Variants in BCKDHB observed in about 807,000 individuals in gnomAD.
The protein encoded by BCKDHB is 2-oxoisovalerate dehydrogenase subunit beta, mitochondrial.
Under a neutral mutation model 48.5 loss-of-function variants are expected in BCKDHB, and 41 were observed. The observed-to-expected ratio is 0.85, with a 90% CI of 0.66 to 1.10. BCKDHB has a LOEUF of 1.10. Ranked by LOEUF, BCKDHB falls within the 50% of genes least tolerant of loss-of-function variation. The pLI, the probability that BCKDHB is intolerant of heterozygous loss-of-function variation, is 0.00. For synonymous variants in BCKDHB, 201 were observed against 174.8 expected (o/e 1.15, Z -1.18); for missense variants, 496 against 494.2 (o/e 1.00, Z -0.03).
At chr6:80,324,852 A>C (rs1323191397) in intron 9 of BCKDHB, among the ~76,000 whole-genome samples, 2 of 152,186 alleles carry the variant, frequency 1.3e-5, no homozygotes. Flanking sequence ...CACCCTGATT[A>C]GACCATTAAG....
chr6:80,449,630 C>T, the BCKDHB span, among the ~76,000 whole-genome samples: 20 of 152,120 alleles, frequency 1.3e-4, no homozygotes, highest in Admixed American at 3.9e-4. Context: ...CTGACAAAAA[C>T]CCTTTATAGA....
chr6:80,126,497 T>G (rs1365052198), intron 1 of BCKDHB, among the ~76,000 whole-genome samples: 1 of 152,078 alleles, frequency 6.6e-6, no homozygotes, highest in Non-Finnish European at 1.5e-5. Flanking sequence ...ACTAGGCTAA[T>G]GAATAGCATG....
At chr6:80,162,240 T>G (rs2127767131) in intron 3 of BCKDHB, among the ~76,000 whole-genome samples, 1 of 152,212 alleles carries the variant, frequency 6.6e-6, no homozygotes, top group African/African-American at 2.4e-5. Flanking sequence ...TATTGTTAGG[T>G]AATAATTTAG....
chr6:80,246,456 A>G (rs1485621363), intron 8 of BCKDHB, among the ~76,000 whole-genome samples: 4 of 152,268 alleles, frequency 2.6e-5, no homozygotes, highest in Non-Finnish European at 5.9e-5. Flanking sequence ...TTGCTGTTTC[A>G]TTGGCTGGCC....
downstream of BCKDHB, among the ~76,000 whole-genome samples, chr6:80,349,347 G>T (rs367752025): frequency 5.3e-5 from 8 of 152,288 alleles, no homozygotes; most frequent in East Asian, 1.4e-3. Flanking sequence ...GCCTGTTACG[G>T]GCCGGGCACC....
intron 8 of BCKDHB, among the ~76,000 whole-genome samples, chr6:80,238,971 G>A (rs1776265497): frequency 6.6e-6 from 1 of 152,116 alleles, no homozygotes; most frequent in South Asian, 2.1e-4. Context: ...TAGTGTATAT[G>A]TGCCACATTT....
intron 9 of BCKDHB, among the ~76,000 whole-genome samples, chr6:80,308,664 G>C (rs1240480489): frequency 1.3e-5 from 2 of 149,008 alleles, no homozygotes; most frequent in Non-Finnish European, 3.0e-5. Context: ...GCGTGATCCC[G>C]GCTCACTGCA....
rs754831907 is a variant in BCKDHB, at chr6:80,127,600, T to A, written c.250T>A (p.Ser84Thr). Residue 84 changes from serine to threonine, a missense_variant, in exon 2 of 10, where the codon TCA becomes ACA. Physicochemically the swap from Ser to Thr is moderately conservative, Grantham distance 58. Transcript: ENST00000320393. The stretch of plus-strand genomic sequence containing the variant: ...GTCTGTAACAAGTGCCTTGGATAAC[T>A]CATTGGCCAAAGATCCTACTGCAGG... The part of the protein sequence containing the change: ...FQSVTSALDN[S>T]LAKDPTAVIF... 1 of 1,613,364 alleles carries A rather than the reference T, an allele frequency of 6.2e-7. No homozygotes were observed. The highest frequency in any genetic ancestry group is 8.5e-7 in the Non-Finnish European group (1 of 1,179,448).
the BCKDHB span, among the ~76,000 whole-genome samples, chr6:80,411,373 A>G: frequency 2.0e-5 from 3 of 152,198 alleles, no homozygotes; most frequent in Non-Finnish European, 2.9e-5. Context: ...TGAGGTGTCT[A>G]TCAGCCCCTA....
At chr6:80,205,033 G>T (rs745952597) in intron 8 of BCKDHB, among the ~76,000 whole-genome samples, 1 of 152,050 alleles carries the variant, frequency 6.6e-6, no homozygotes, top group Non-Finnish European at 1.5e-5. Flanking sequence ...CTTTCATCCG[G>T]TTGTGACAGT....
chr6:80,322,587 A>G (rs1768795595), intron 9 of BCKDHB, among the ~76,000 whole-genome samples: 1 of 152,078 alleles, frequency 6.6e-6, no homozygotes, highest in Admixed American at 6.6e-5. Flanking sequence ...CCCCTTAACC[A>G]TCTTTACTTA....
chr6:80,397,559 C>T, the BCKDHB span, among the ~76,000 whole-genome samples: 3 of 152,138 alleles, frequency 2.0e-5, no homozygotes, highest in African/African-American at 7.2e-5. Context: ...TTACTTTCTG[C>T]TTTTTAAAAA....
chr6:80,172,686 G>A (rs1307363756), intron 6 of BCKDHB, among the ~76,000 whole-genome samples: 1 of 152,066 alleles, frequency 6.6e-6, no homozygotes, highest in Non-Finnish European at 1.5e-5. Context: ...GCATTTCATT[G>A]TATGAATAGA....
At chr6:80,235,616 TCTC>T (rs1487283706) in intron 8 of BCKDHB, among the ~76,000 whole-genome samples, 1 of 152,216 alleles carries the variant, frequency 6.6e-6, no homozygotes, top group Non-Finnish European at 1.5e-5. Flanking sequence ...GTACATTTCT[TCTC>T]ACTTGATTGC....
At chr6:80,283,523 A>G (rs939505619) in intron 9 of BCKDHB, among the ~76,000 whole-genome samples, 4 of 152,094 alleles carry the variant, frequency 2.6e-5, no homozygotes, top group Non-Finnish European at 2.9e-5. Flanking sequence ...AGACATTTAT[A>G]TTTACATATT....
chr6:80,273,362 T>G, intron 9 of BCKDHB, 141 bp downstream of exon 9: 1 of 688,190 alleles, frequency 1.5e-6, no homozygotes, highest in African/African-American at 1.8e-5. Flanking sequence ...CTGTGATAAG[T>G]AAATTTTTTT....
intron 6 of BCKDHB, among the ~76,000 whole-genome samples, chr6:80,184,529 T>C (rs917490772): frequency 6.6e-6 from 1 of 152,112 alleles, no homozygotes; most frequent in African/African-American, 2.4e-5. Flanking sequence ...TAATAGGCCT[T>C]GTGAGATTTA....
At chr6:80,177,225 CAAAAAAAAAAAAAA>C (rs575991853) in intron 6 of BCKDHB, among the ~76,000 whole-genome samples, 1,385 of 43,164 alleles carry the variant, frequency 0.032, 40 homozygotes, top group African/African-American at 0.12. Flanking sequence ...GACCTTGTCT[CAAAAAAAAAAAAAA>C]AAAAAAAAAA....
chr6:80,240,247 A>G (rs1776324573), intron 8 of BCKDHB, among the ~76,000 whole-genome samples: 1 of 152,080 alleles, frequency 6.6e-6, no homozygotes, highest in African/African-American at 2.4e-5. Context: ...CAGTATGGCC[A>G]TTTTCACGAT....
Sources: gnomAD v4.1 joint callset for allele counts (sites outside exome capture counted in the v4.1 genomes callset) on GRCh38, gnomAD v4.1.1 for gene constraint, MANE v1.5 for transcripts, NCBI Gene and HGNC (gene_info 2026-07-23, HGNC 2026-07-21) for gene names.